SORCS1: variants seen among roughly 807,000 people sequenced by gnomAD.
The protein encoded by SORCS1 is VPS10 domain-containing receptor SorCS1.
Under a neutral mutation model 146.1 loss-of-function variants are expected in SORCS1, and 60 were observed. The ratio of observed to expected loss-of-function variants is 0.41; its 90% CI spans 0.33 to 0.51. SORCS1 has a LOEUF of 0.51. SORCS1 is among the 20% of genes least tolerant of loss of function. The pLI is 0.21. For synonymous variants in SORCS1, 637 were observed against 584.0 expected, an observed-to-expected ratio of 1.09 and a Z score of -1.31; for missense variants, 1,352 against 1,487.6, an observed-to-expected ratio of 0.91 and a Z score of 1.50.
intron 6 of SORCS1, among the ~76,000 whole-genome samples, chr10:106,719,940 C>T (rs1855666243): frequency 6.6e-6 from 1 of 152,182 alleles, no homozygotes; most frequent in Admixed American, 6.5e-5. Context: ...ATGTACTCTT[C>T]CATTTGTCTG....
intron 23 of SORCS1, among the ~76,000 whole-genome samples, chr10:106,599,926 C>T (rs940349122): frequency 2.2e-4 from 34 of 152,098 alleles, no homozygotes; most frequent in African/African-American, 8.0e-4. Flanking sequence ...CGCCTGCCAC[C>T]ACATCCGGCT....
chr10:106,596,664 C>A (rs1845923032), intron 24 of SORCS1, among the ~76,000 whole-genome samples: 1 of 152,140 alleles, frequency 6.6e-6, no homozygotes, highest in African/African-American at 2.4e-5. Context: ...CCTGCTATCT[C>A]TACTGCGTTA....
chr10:107,010,715 C>A (rs1255748998), intron 1 of SORCS1, among the ~76,000 whole-genome samples: 1 of 152,180 alleles, frequency 6.6e-6, no homozygotes, highest in Non-Finnish European at 1.5e-5. Flanking sequence ...GGCCTCAGAT[C>A]TCTGAATAAG....
chr10:106,727,502 T>G (rs1057087550), intron 6 of SORCS1, among the ~76,000 whole-genome samples: 6 of 152,228 alleles, frequency 3.9e-5, no homozygotes, highest in Non-Finnish European at 8.8e-5. Flanking sequence ...TACAGATGTG[T>G]GCTACCATTC....
chr10:106,838,791 T>A (rs1002855984), intron 2 of SORCS1, among the ~76,000 whole-genome samples: 2 of 152,348 alleles, frequency 1.3e-5, no homozygotes, highest in African/African-American at 4.8e-5. Context: ...TCCAACAGCA[T>A]GTGCTCACTT....
At chr10:106,770,948 A>G (rs1021787444) in intron 4 of SORCS1, among the ~76,000 whole-genome samples, 1 of 152,236 alleles carries the variant, frequency 6.6e-6, no homozygotes. Flanking sequence ...GGACAGGAGA[A>G]GAGCAGCCCT....
intron 3 of SORCS1, among the ~76,000 whole-genome samples, chr10:106,811,696 C>CAGT (rs1947467574): frequency 6.6e-6 from 1 of 152,160 alleles, no homozygotes; most frequent in Admixed American, 6.5e-5. Context: ...ATTCAAGCAG[C>CAGT]AGTACTCTGC....
At chr10:106,751,342 G>T (rs1422924514) in intron 5 of SORCS1, among the ~76,000 whole-genome samples, 2 of 152,130 alleles carry the variant, frequency 1.3e-5, no homozygotes, top group African/African-American at 4.8e-5. Flanking sequence ...CTCAGAATTA[G>T]AAGAGACTGC....
intron 9 of SORCS1, among the ~76,000 whole-genome samples, chr10:106,698,153 A>C (rs1376246458): frequency 2.6e-5 from 4 of 152,246 alleles, no homozygotes; most frequent in African/African-American, 9.6e-5. Flanking sequence ...TAGATACTAG[A>C]AGAAAATCAC....
At chr10:106,762,859 C>T (rs1416839589) in intron 4 of SORCS1, among the ~76,000 whole-genome samples, 2 of 152,142 alleles carry the variant, frequency 1.3e-5, no homozygotes, top group African/African-American at 2.4e-5. Flanking sequence ...AGAACTCAAA[C>T]AGCCAGTGTA....
intron 2 of SORCS1, among the ~76,000 whole-genome samples, chr10:106,860,676 T>C (rs552246383): frequency 6.4e-4 from 97 of 152,266 alleles, no homozygotes; most frequent in Admixed American, 2.1e-3. Flanking sequence ...TACAGAGATA[T>C]GGTGAATTGT....
chr10:106,633,162 C>G (rs1347956563), intron 18 of SORCS1, among the ~76,000 whole-genome samples: 2 of 152,070 alleles, frequency 1.3e-5, no homozygotes, highest in Non-Finnish European at 2.9e-5. Context: ...AAGTGTTTTA[C>G]TTTTTAAATG....
chr10:106,956,612 T>C, intron 1 of SORCS1, 32 bp from the exon 2 acceptor site: 1 of 1,593,440 alleles, frequency 6.3e-7, no homozygotes, highest in Non-Finnish European at 8.6e-7. Flanking sequence ...ATGGTTAGTC[T>C]CAAACAATTA....
intron 8 of SORCS1, among the ~76,000 whole-genome samples, chr10:106,701,044 A>C (rs1044724469): frequency 6.6e-6 from 1 of 152,176 alleles, no homozygotes; most frequent in African/African-American, 2.4e-5. Context: ...TTCCTTATAT[A>C]AAGTGGTGTA....
intron 2 of SORCS1, among the ~76,000 whole-genome samples, chr10:106,930,275 C>CT (rs1231990639): frequency 6.6e-6 from 1 of 151,098 alleles, no homozygotes; most frequent in East Asian, 1.9e-4. Flanking sequence ...GAGCGAGACT[C>CT]TGTCTCTAAA....
At chr10:107,010,662 T>G (rs151050540) in intron 1 of SORCS1, among the ~76,000 whole-genome samples, 7 of 145,330 alleles carry the variant, frequency 4.8e-5, no homozygotes, top group Non-Finnish European at 1.0e-4. Flanking sequence ...AGGAGCTGAT[T>G]GAACAACTGA....
chr10:106,861,700 G>C (rs1950022588), intron 2 of SORCS1, among the ~76,000 whole-genome samples: 2 of 151,864 alleles, frequency 1.3e-5, no homozygotes, highest in Admixed American at 1.3e-4. Context: ...CACCATCCTG[G>C]CCAACATGGT....
intron 1 of SORCS1, among the ~76,000 whole-genome samples, chr10:107,118,715 T>C (rs1000513248): frequency 1.3e-5 from 2 of 152,228 alleles, no homozygotes; most frequent in Non-Finnish European, 2.9e-5. Flanking sequence ...ACTTTGAGGA[T>C]ACCTGCAATA....
chr10:106,947,990 T>A (rs1954445042), intron 2 of SORCS1, among the ~76,000 whole-genome samples: 1 of 152,238 alleles, frequency 6.6e-6, no homozygotes, highest in African/African-American at 2.4e-5. Context: ...CGATATACTG[T>A]ACAATATGCA....
Sources: allele counts gnomAD v4.1 joint callset (sites outside exome capture counted in the v4.1 genomes callset), GRCh38; gene constraint gnomAD v4.1.1; transcripts MANE v1.5; gene names NCBI Gene and HGNC (gene_info 2026-07-23, HGNC 2026-07-21).